The following MCEE variants were observed in gnomAD, a reference collection of about 807,000 sequenced individuals.
MCEE encodes the protein methylmalonyl-CoA epimerase.
A neutral mutation model predicts 12.9 loss-of-function variants in MCEE; 6 were observed. The ratio of observed to expected loss-of-function variants is 0.47; its 90% CI spans 0.26 to 0.92. MCEE has a LOEUF of 0.92. Ranked by LOEUF, MCEE falls within the 40% of genes least tolerant of loss-of-function variation. The probability of loss-of-function intolerance (pLI) is 0.16; values close to 1 mark genes in which losing one functional copy is unlikely to be tolerated. For missense variants in MCEE, 214 were observed against 212.1 expected (o/e 1.01, Z -0.05); for synonymous variants, 78 against 77.9 (o/e 1.00, Z -0.01).
In MCEE at chr2:71,110,021, A is replaced by G; in HGVS notation, c.480T>C (p.Phe160=). Residue 160 remains phenylalanine (F), a synonymous_variant, in exon 3 of 3, where the codon TTT becomes TTC. Transcript: ENST00000244217. ...CTCCACCACAGTCTTTAGGATGGAG[A>G]AAAATCACTGGTTTTCCATGTGCTC... ...KIGAHGKPVI[F]LHPKDCGGVL... 6.2e-7 allele frequency: 1 copy of G among 1,613,886 alleles called. No homozygotes were observed. The highest frequency in any genetic ancestry group is 8.5e-7 in the Non-Finnish European group (1 of 1,179,848).
chr2:71,112,807 C>T (rs1003319534), intron 2 of MCEE, among the ~76,000 whole-genome samples: 1 of 152,214 alleles, frequency 6.6e-6, no homozygotes, highest in African/African-American at 2.4e-5. Flanking sequence ...TGTTTTACAT[C>T]AGATTGGTAG....
chr2:71,126,568 CAAAAAAAAAAAA>C (rs70959207), intron 1 of MCEE, among the ~76,000 whole-genome samples: 9 of 72,154 alleles, frequency 1.2e-4, no homozygotes, highest in African/African-American at 3.7e-4. Flanking sequence ...TACATTTTAC[CAAAAAAAAAAAA>C]AAAAAAAAAA....
At chr2:71,125,188 A>ATATATATATATATATAT (rs1673191937) in intron 1 of MCEE, among the ~76,000 whole-genome samples, 1 of 65,686 alleles carries the variant, frequency 1.5e-5, no homozygotes, top group Non-Finnish European at 3.3e-5. Context: ...TATATATATA[A>ATATATATATATATATAT]ATATATATAT....
At chr2:71,112,733 G>A (rs954195489) in intron 2 of MCEE, among the ~76,000 whole-genome samples, 1 of 152,270 alleles carries the variant, frequency 6.6e-6, no homozygotes, top group African/African-American at 2.4e-5. Context: ...ACTGTTGCCC[G>A]GCCTGGTGTA....
At chr2:71,119,523 T>C (rs1673059243) in intron 2 of MCEE, among the ~76,000 whole-genome samples, 1 of 147,714 alleles carries the variant, frequency 6.8e-6, no homozygotes, top group Non-Finnish European at 1.5e-5. Context: ...TTGTTGCAAC[T>C]AGCACTATTA....
At chr2:71,125,188 A>AATATATATATATATATATATATATAT (rs67615436) in intron 1 of MCEE, among the ~76,000 whole-genome samples, 4 of 65,698 alleles carry the variant, frequency 6.1e-5, no homozygotes, top group South Asian at 6.6e-4. Context: ...TATATATATA[A>AATATATATATATATATATATATATAT]ATATATATAT....
intron 2 of MCEE, among the ~76,000 whole-genome samples, chr2:71,111,117 A>C (rs4852760): frequency 0.27 from 40,782 of 152,112 alleles, 6,850 homozygotes; most frequent in Middle Eastern, 0.37. Context: ...TACATAAATA[A>C]GCTATGATTT....
At chr2:71,110,760 T>A (rs1222906165) in intron 2 of MCEE, 1 of 153,776 alleles carries the variant, frequency 6.5e-6, no homozygotes, top group Non-Finnish European at 1.4e-5. Flanking sequence ...ATTTTCTTCA[T>A]ACTTATGGAC....
chr2:71,122,341 C>T (rs1558746751), intron 2 of MCEE, among the ~76,000 whole-genome samples: 2 of 152,122 alleles, frequency 1.3e-5, no homozygotes, highest in Admixed American at 1.3e-4. Flanking sequence ...TGCCATTTGG[C>T]CCAGGCTGGT....
intron 1 of MCEE, among the ~76,000 whole-genome samples, chr2:71,128,844 G>C (rs1417316282): frequency 6.6e-6 from 1 of 151,854 alleles, no homozygotes; most frequent in Non-Finnish European, 1.5e-5. Flanking sequence ...CAAAAAATTA[G>C]CCGGGCGTGG....
intron 2 of MCEE, among the ~76,000 whole-genome samples, chr2:71,114,890 CAT>C (rs1414833870): frequency 6.6e-6 from 1 of 152,136 alleles, no homozygotes; most frequent in African/African-American, 2.4e-5. Context: ...TTCTACTTCT[CAT>C]ATGTTTGAAC....
At chr2:71,114,750 A>G (rs1479199483) in intron 2 of MCEE, among the ~76,000 whole-genome samples, 1 of 152,230 alleles carries the variant, frequency 6.6e-6, no homozygotes, top group Non-Finnish European at 1.5e-5. Flanking sequence ...TTAGAGACCC[A>G]AACTGAGTAA....
chr2:71,112,433 CTTTTT>C (rs71400979), intron 2 of MCEE, among the ~76,000 whole-genome samples: 6 of 81,196 alleles, frequency 7.4e-5, no homozygotes, highest in African/African-American at 2.1e-4. Context: ...CTGCACCTGC[CTTTTT>C]TTTTTTTTTT....
chr2:71,121,551 C>T (rs1673101134), intron 2 of MCEE, among the ~76,000 whole-genome samples: 1 of 152,202 alleles, frequency 6.6e-6, no homozygotes, highest in Admixed American at 6.5e-5. Flanking sequence ...AATACATTTG[C>T]ATGTCCCCCT....
At chr2:71,114,082 G>A (rs1672944568) in intron 2 of MCEE, among the ~76,000 whole-genome samples, 2 of 151,878 alleles carry the variant, frequency 1.3e-5, no homozygotes. Context: ...CCTAGAAAAA[G>A]GTTAGAAAAC....
rs761680229 is a variant in MCEE at position 71,124,274 on chromosome 2, G to A, written c.310C>T (p.Arg104Cys). 2.3e-5 allele frequency: 37 copies of A among 1,613,974 alleles called. No individual in the cohort carries two copies. Among genetic ancestry groups the A allele is most frequent in the East Asian group, 2.2e-4 (10 of 44,896 alleles). ...AGAAAACCTGCAATTGGACTGTCACGTCCCAATGGATGAAGCAGTTCCATC... is the reference window on the plus strand; with the variant it reads ...AGAAAACCTGCAATTGGACTGTCACATCCCAATGGATGAAGCAGTTCCATC... ...TKMELLHPLGRDSPIAGFLQK... is the reference protein window; with the variant it reads ...TKMELLHPLGCDSPIAGFLQK... Residue 104 changes from arginine (R) to cysteine (C), a missense_variant, in exon 2 of 3, where the codon CGT (arginine) becomes TGT (cysteine). Arg to Cys is a radical substitution (Grantham distance 180). Transcript: ENST00000244217.
chr2:71,115,778 G>A (rs1024247069), intron 2 of MCEE, among the ~76,000 whole-genome samples: 4 of 131,268 alleles, frequency 3.0e-5, no homozygotes, highest in Non-Finnish European at 6.2e-5. Flanking sequence ...AGAACACATG[G>A]ACACAGGGTG....
intron 2 of MCEE, among the ~76,000 whole-genome samples, chr2:71,114,279 C>T (rs1672948741): frequency 3.3e-5 from 5 of 152,024 alleles, no homozygotes; most frequent in African/African-American, 1.2e-4. Flanking sequence ...CAGCAAACCA[C>T]CATGGCATAC....
At chr2:71,111,674 A>T (rs1672887935) in intron 2 of MCEE, among the ~76,000 whole-genome samples, 1 of 152,152 alleles carries the variant, frequency 6.6e-6, no homozygotes, top group Non-Finnish European at 1.5e-5. Context: ...CTCTCTGTGC[A>T]GCTCTCCTTT....
Sources: gnomAD v4.1 joint callset for allele counts (sites outside exome capture counted in the v4.1 genomes callset) on GRCh38, gnomAD v4.1.1 for gene constraint, MANE v1.5 for transcripts, NCBI Gene and HGNC (gene_info 2026-07-23, HGNC 2026-07-21) for gene names.